Variants in AMY2B observed in about 807,000 individuals in gnomAD.
The protein encoded by AMY2B is amylase alpha 2B.
A neutral mutation model predicts 59.3 loss-of-function variants in AMY2B; 63 were observed. The observed-to-expected ratio is 1.06, with a 90% confidence interval of 0.87 to 1.31. AMY2B has a LOEUF of 1.31. AMY2B is among the 50% of genes most tolerant of loss of function. The pLI is 0.00. For missense variants in AMY2B, 635 were observed against 626.7 expected (o/e 1.01, Z -0.14); for synonymous variants, 180 against 198.1 (o/e 0.91, Z 0.77).
At chr1:103,576,480 C>T (rs1173271470) in intron 7 of AMY2B, among the ~76,000 whole-genome samples, 1 of 152,108 alleles carries the variant, frequency 6.6e-6, no homozygotes, top group Non-Finnish European at 1.5e-5. Flanking sequence ...TTTCCACTTT[C>T]CAGGACTGCT....
chr1:103,572,618 G>T (rs1164840881), intron 2 of AMY2B, among the ~76,000 whole-genome samples: 3 of 152,026 alleles, frequency 2.0e-5, no homozygotes, highest in Non-Finnish European at 4.4e-5. Flanking sequence ...TAATTCCTGG[G>T]TTTTTCGTGG....
intron 3 of AMY2B, 45 bp downstream of exon 3, chr1:103,573,305 C>T (rs148943348): frequency 2.6e-5 from 42 of 1,611,788 alleles, no homozygotes; most frequent in Non-Finnish European, 3.4e-5. Context: ...GTGATATATG[C>T]CTTTTCTTGT....
At position 103,577,615 on chromosome 1, in the gene AMY2B, A is replaced by T. The variant is rs953390112; in HGVS notation, c.1220+7A>T. ...ATCGATGGCGCCAAATAAGGTGAGA[A>T]TATGTATTTAGACATGTCCTCTAAT... On this transcript the variant is annotated splice_region_variant and intron_variant, in intron 8 of 9. Transcript: ENST00000684275. 52 of 1,611,778 alleles carry T rather than the reference A, an allele frequency of 3.2e-5. No homozygotes were observed. The highest frequency in any genetic ancestry group is 4.2e-5 in the Non-Finnish European group (50 of 1,179,784).
intron 1 of AMY2B, among the ~76,000 whole-genome samples, chr1:103,557,171 CAT>C (rs1175141366): frequency 8.2e-4 from 124 of 150,466 alleles, no homozygotes; most frequent in African/African-American, 2.9e-3. Flanking sequence ...CACACACACA[CAT>C]ACATACATAC....
intron 2 of AMY2B, 45 bp from the exon 3 acceptor site, chr1:103,573,018 C>T: frequency 1.2e-6 from 2 of 1,611,854 alleles, no homozygotes; most frequent in Non-Finnish European, 1.7e-6. Flanking sequence ...CTTTAAATTT[C>T]TGCCTCTCTG....
chr1:103,574,174 G>T, intron 4 of AMY2B, 86 bp from the exon 5 acceptor site: 1 of 1,572,508 alleles, frequency 6.4e-7, no homozygotes. Flanking sequence ...ATAGCTTAAA[G>T]CTATCTTTTA....
chr1:103,559,396 T>C (rs1445877243), intron 1 of AMY2B, among the ~76,000 whole-genome samples: 1 of 152,176 alleles, frequency 6.6e-6, no homozygotes, highest in African/African-American at 2.4e-5. Context: ...ATTTGCACAG[T>C]GGCTTAATTA....
intron 1 of AMY2B, among the ~76,000 whole-genome samples, chr1:103,562,961 G>A (rs1651781647): frequency 1.3e-5 from 2 of 151,924 alleles, no homozygotes; most frequent in African/African-American, 4.8e-5. Context: ...GGGATACTGA[G>A]TTTACACTAG....
At chr1:103,565,567 C>T (rs1456306793) in exon 2 of AMY2B, 1 of 152,142 alleles carries the variant, frequency 6.6e-6, no homozygotes, top group African/African-American at 2.4e-5. Context: ...CTAGGGACAA[C>T]TAGACTTCAA....
At chr1:103,561,715 G>A (rs193213698) in intron 1 of AMY2B, 4 of 151,958 alleles carry the variant, frequency 2.6e-5, no homozygotes, top group Middle Eastern at 3.4e-3. Flanking sequence ...TAGAGATTGC[G>A]AGAGGATATT....
chr1:103,578,142 A>C (rs1652437336), intron 9 of AMY2B, among the ~76,000 whole-genome samples: 1 of 152,210 alleles, frequency 6.6e-6, no homozygotes, highest in Non-Finnish European at 1.5e-5. Context: ...CAAAATACAC[A>C]AAGTAGTTAA....
intron 1 of AMY2B, among the ~76,000 whole-genome samples, chr1:103,558,327 T>G (rs1651622349): frequency 6.6e-6 from 1 of 152,172 alleles, no homozygotes; most frequent in South Asian, 2.1e-4. Context: ...TTTAGTTTCT[T>G]TTATTACTGC....
chr1:103,569,195 T>C (rs1652016374), upstream of AMY2B: 1 of 151,870 alleles, frequency 6.6e-6, no homozygotes, highest in Non-Finnish European at 1.5e-5. Flanking sequence ...GGAACTACAT[T>C]CAAGATGAGA....
At chr1:103,559,027 A>G (rs1023774054) in intron 1 of AMY2B, among the ~76,000 whole-genome samples, 2 of 152,222 alleles carry the variant, frequency 1.3e-5, no homozygotes, top group Non-Finnish European at 2.9e-5. Flanking sequence ...TGCAAATACT[A>G]CATTGTATAT....
At chr1:103,577,335 G>A (rs1344679626) in intron 7 of AMY2B, 155 bp from the exon 8 acceptor site, 1 of 1,391,554 alleles carries the variant, frequency 7.2e-7, no homozygotes, top group Non-Finnish European at 9.9e-7. Context: ...TGAAGACCCA[G>A]TAAAGGGCTA....
At chr1:103,573,368 GA>G (rs1557770082) in intron 3 of AMY2B, 108 bp downstream of exon 3, 1 of 1,559,868 alleles carries the variant, frequency 6.4e-7, no homozygotes, top group Non-Finnish European at 8.7e-7. Context: ...ATCTCTTAGG[GA>G]CACAGGTTAA....
At chr1:103,576,730 G>A (rs1318760687) in intron 7 of AMY2B, among the ~76,000 whole-genome samples, 2 of 152,106 alleles carry the variant, frequency 1.3e-5, no homozygotes, top group African/African-American at 2.4e-5. Flanking sequence ...CACATGTCAC[G>A]TTCAAGGCAT....
rs188648857 is a variant in AMY2B at position 103,573,691 on chromosome 1, C to T, written c.514-17C>T. The T allele has an allele frequency of 7.4e-6, 12 of 1,613,472 alleles. No individual in the cohort carries two copies. In the African/African-American group the frequency reaches 9.3e-5, roughly 13 times the overall value. ...ATGAGGTTTTATGAATCAATCATAA[C>T]ATTTTTACCTCAACAGGTCAGAGAT... On this transcript the variant is annotated splice_polypyrimidine_tract_variant and intron_variant, in intron 3 of 9. Transcript: ENST00000684275.
upstream of AMY2B, chr1:103,568,791 T>C (rs1223912525): frequency 1.3e-5 from 2 of 151,412 alleles, no homozygotes; most frequent in African/African-American, 2.4e-5. Context: ...CACTGCATTA[T>C]ATATATATGG....
Sources: gnomAD v4.1 joint callset for allele counts (sites outside exome capture counted in the v4.1 genomes callset) on GRCh38, gnomAD v4.1.1 for gene constraint, MANE v1.5 for transcripts, NCBI Gene and HGNC (gene_info 2026-07-23, HGNC 2026-07-21) for gene names.